Variants in AP1G1 observed in about 807,000 individuals in gnomAD.
AP1G1 encodes the protein adaptor related protein complex 1 subunit gamma 1.
Under a neutral mutation model 108.3 loss-of-function variants are expected in AP1G1, and 7 were observed. That is an observed-to-expected ratio of 0.06 (90% CI 0.04 to 0.12). The LOEUF (loss-of-function observed/expected upper bound fraction) is 0.12. Ranked by LOEUF, AP1G1 falls within the 10% of genes least tolerant of loss-of-function variation. The pLI is 1.00. For missense variants in AP1G1, 756 were observed against 1,010.7 expected (o/e 0.75, Z 3.42); for synonymous variants, 379 against 353.5 (o/e 1.07, Z -0.81).
chr16:71,745,679 C>T, intron 17 of AP1G1, 65 bp from the exon 18 acceptor site: 1 of 1,362,388 alleles, frequency 7.3e-7, no homozygotes, highest in African/African-American at 1.4e-5. Flanking sequence ...AAAATAATCA[C>T]CATTAACTAT....
rs185555425 is a variant in AP1G1 at position 71,783,068 on chromosome 16, G to C, written c.201+6211C>G. Among the ~76,000 whole-genome samples the C allele has an allele frequency of 1.1e-4, 16 of 152,186 alleles. No homozygotes were observed. The East Asian group carries it at 3.1e-3, about 29-fold the overall frequency. On this transcript the variant is annotated intron_variant, in intron 2 of 22. Transcript: ENST00000299980. Reference sequence around the variant, plus strand: ...TAAGGCTTTTCAAGGAATAGTACTAGCTTAAGTACTTTATTTTAAGAAAAA... The same window carrying C: ...TAAGGCTTTTCAAGGAATAGTACTACCTTAAGTACTTTATTTTAAGAAAAA...
intron 19 of AP1G1, chr16:71,743,370 T>C (rs946938556): frequency 2.6e-5 from 4 of 152,196 alleles, no homozygotes; most frequent in Middle Eastern, 3.2e-3. Context: ...GTCTATTTTT[T>C]ACTCAAGGTC....
intron 16 of AP1G1, chr16:71,747,167 C>T (rs1275883216): frequency 3.3e-5 from 5 of 152,246 alleles, no homozygotes; most frequent in African/African-American, 1.2e-4. Flanking sequence ...TAAGACTTCA[C>T]ATTTAAAAGT....
At chr16:71,769,313 T>G (rs1180793800) in intron 6 of AP1G1, among the ~76,000 whole-genome samples, 1 of 151,980 alleles carries the variant, frequency 6.6e-6, no homozygotes, top group East Asian at 1.9e-4. Flanking sequence ...ACAAAACTCC[T>G]ATTTCTAATT....
At chr16:71,765,653 TTG>T in intron 6 of AP1G1, 69 bp from the exon 7 acceptor site, 1 of 1,316,020 alleles carries the variant, frequency 7.6e-7, no homozygotes, top group Non-Finnish European at 1.1e-6. Context: ...AGCAGGTCCT[TTG>T]GTTTAGAAAA....
At chr16:71,776,534 T>A (rs1163139725) in intron 2 of AP1G1, among the ~76,000 whole-genome samples, 1 of 152,204 alleles carries the variant, frequency 6.6e-6, no homozygotes, top group Non-Finnish European at 1.5e-5. Flanking sequence ...CAAACAAACC[T>A]TACTCTTTTT....
intron 21 of AP1G1, among the ~76,000 whole-genome samples, chr16:71,737,696 G>A (rs915308162): frequency 1.3e-5 from 2 of 152,264 alleles, no homozygotes; most frequent in Non-Finnish European, 2.9e-5. Flanking sequence ...AAAGTCAGCA[G>A]TACCCACAAA....
In AP1G1 at chr16:71,764,640, A is replaced by T. The variant is rs745485168; in HGVS notation, c.819+6T>A. 1.3e-6 allele frequency: 2 copies of T among 1,583,028 alleles called. No individual in the cohort carries two copies. Among genetic ancestry groups the T allele is most frequent in the Admixed American group, 3.7e-5 (2 of 53,990 alleles). On this transcript the variant is annotated splice_donor_region_variant and intron_variant, in intron 8 of 22. Transcript: ENST00000299980. ...AATATATATTTAATATGTTTGGTCT[A>T]CTCACCTGTGCTAATATATCATTCA...
chr16:71,791,217 C>CA lies in AP1G1; in HGVS notation c.-3-1736dup, dbSNP rs1226475075. Among the ~76,000 whole-genome samples, 294 of 102,234 alleles carry CA rather than the reference C, an allele frequency of 2.9e-3. 1 individual carries two copies. Among genetic ancestry groups the CA allele is most frequent in the African/African-American group, 0.01 (261 of 24,972 alleles). The allele number at this position is 102,234 out of a possible 152,430, so 67.1% of individuals were successfully genotyped here. A position where few individuals can be genotyped will look rare whatever the true frequency, so the allele number is the denominator to read the frequency against. The stretch of plus-strand genomic sequence containing the variant: ...CCTGGGCAACAGAGCAAGACTGTCT[C>CA]AAAAAAACAAAAAAAAAAAACAAAA... On this transcript the variant is annotated intron_variant, in intron 1 of 22. Transcript: ENST00000299980.
rs535347278 is a variant in AP1G1, at chr16:71,803,884, G to A, written c.-4+4879C>T. On this transcript the variant is annotated intron_variant, in intron 1 of 22. Transcript: ENST00000299980. ...GGTTGCAGTAAGCAGAGATGGCTCC[G>A]ATGCACTCCAGCCTGGGCAACAGAG... Among the ~76,000 whole-genome samples the A allele has an allele frequency of 1.5e-4, 20 of 137,824 alleles. 1 individual carries two copies. Among genetic ancestry groups the A allele is most frequent in the East Asian group, 4.4e-4 (2 of 4,508 alleles). The allele number at this position is 137,824 out of a possible 152,430, so 90.4% of individuals were successfully genotyped here.
At chr16:71,753,760 T>C in intron 13 of AP1G1, 73 bp downstream of exon 13, 2 of 1,363,628 alleles carry the variant, frequency 1.5e-6, no homozygotes, top group Non-Finnish European at 2.1e-6. Flanking sequence ...CCTCCCTGAC[T>C]AGAACATAAA....
intron 19 of AP1G1, 39 bp from the exon 20 acceptor site, chr16:71,739,380 G>T: frequency 7.2e-7 from 1 of 1,397,008 alleles, no homozygotes; most frequent in Non-Finnish European, 9.7e-7. Context: ...ACCTTAGGCA[G>T]CATGACAAAG....
At chr16:71,769,522 C>A (rs769325456) in intron 6 of AP1G1, 101 bp downstream of exon 6, 3 of 1,141,810 alleles carry the variant, frequency 2.6e-6, no homozygotes, top group Non-Finnish European at 3.9e-6. Flanking sequence ...TTATTCAGAT[C>A]CATAGCTTGC....
At chr16:71,746,196 G>A (rs969372907) in intron 17 of AP1G1, among the ~76,000 whole-genome samples, 1 of 152,194 alleles carries the variant, frequency 6.6e-6, no homozygotes, top group Non-Finnish European at 1.5e-5. Flanking sequence ...ATTTTTAGTA[G>A]AGACGGGGTT....
Position 71,731,511 on chromosome 16 carries a change from T to C in AP1G1, c.*1547A>G, listed in dbSNP as rs1244585753. ...TTCAATACAGTAACAATTGCAAACATTGTAAGAGCAAGGTGGGCCTCACTT... is the reference window on the plus strand; with the variant it reads ...TTCAATACAGTAACAATTGCAAACACTGTAAGAGCAAGGTGGGCCTCACTT... On this transcript the variant is annotated 3_prime_UTR_variant, in exon 23 of 23. Coordinates refer to ENST00000299980, the MANE Select transcript of AP1G1 (RefSeq NM_001128.6). 6.6e-6 allele frequency: 1 copy of C among 152,074 alleles called. No homozygotes were observed. Among genetic ancestry groups the C allele is most frequent in the Admixed American group, 6.6e-5 (1 of 15,206 alleles). The allele number at this position is 152,074 out of a possible 1,614,324, so 9.4% of individuals were successfully genotyped here.
chr16:71,808,208 A>AAACC, intron 1 of AP1G1: 1 of 1,130,178 alleles, frequency 8.8e-7, no homozygotes, highest in Non-Finnish European at 1.1e-6. Context: ...AAACAACAAC[A>AAACC]TATACACACA....
chr16:71,735,058 G>C (rs189201852), intron 21 of AP1G1, among the ~76,000 whole-genome samples: 3 of 152,060 alleles, frequency 2.0e-5, no homozygotes, highest in Non-Finnish European at 2.9e-5. Flanking sequence ...GTAAAATATC[G>C]GTGCTTTTGG....
chr16:71,759,770 A>T (rs4788556), intron 10 of AP1G1, among the ~76,000 whole-genome samples: 129,760 of 150,960 alleles, frequency 0.86, 55,942 homozygotes, highest in East Asian at 0.99. Flanking sequence ...AAAAAAAAAA[A>T]AAATTAATTA....
At chr16:71,760,592 T>C (rs2031038845) in intron 10 of AP1G1, among the ~76,000 whole-genome samples, 1 of 150,164 alleles carries the variant, frequency 6.7e-6, no homozygotes, top group Admixed American at 6.6e-5. Context: ...TCACCTAGAC[T>C]GGAATGCAGT....
Sources: allele counts gnomAD v4.1 joint callset (sites outside exome capture counted in the v4.1 genomes callset), GRCh38; gene constraint gnomAD v4.1.1; transcripts MANE v1.5; gene names NCBI Gene and HGNC (gene_info 2026-07-23, HGNC 2026-07-21).